Variants in DIAPH3 observed in about 807,000 individuals in gnomAD.
DIAPH3 encodes protein diaphanous homolog 3.
DIAPH3 carries 117 observed loss-of-function variants against 144.3 expected under a neutral mutation model. The ratio of observed to expected loss-of-function variants is 0.81; its 90% CI spans 0.70 to 0.95. DIAPH3 has a LOEUF of 0.95. DIAPH3 is among the 40% of genes least tolerant of loss of function. The probability of loss-of-function intolerance (pLI) is 0.00; values close to 1 mark genes in which losing one functional copy is unlikely to be tolerated. For synonymous variants in DIAPH3, 519 were observed against 488.9 expected (o/e 1.06, Z -0.81); for missense variants, 1,421 against 1,412.7 (o/e 1.01, Z -0.09).
chr13:60,097,014 TTC>T (rs1046573375), intron 3 of DIAPH3, among the ~76,000 whole-genome samples: 2 of 152,154 alleles, frequency 1.3e-5, no homozygotes, highest in Non-Finnish European at 2.9e-5. Flanking sequence ...ATCCTATTGG[TTC>T]TGTTTCTCTG....
chr13:60,083,199 A>G (rs994476850), intron 4 of DIAPH3, among the ~76,000 whole-genome samples: 1 of 152,094 alleles, frequency 6.6e-6, no homozygotes, highest in African/African-American at 2.4e-5. Context: ...TTCACTAAAA[A>G]TAATTGTAAC....
intron 3 of DIAPH3, among the ~76,000 whole-genome samples, chr13:60,095,458 GT>G (rs1221369535): frequency 1.3e-5 from 2 of 151,914 alleles, no homozygotes; most frequent in Admixed American, 6.6e-5. Flanking sequence ...TAAGGGGTGG[GT>G]TATTTAGAAT....
chr13:59,684,953 T>C (rs137990960), intron 27 of DIAPH3, among the ~76,000 whole-genome samples: 4 of 152,238 alleles, frequency 2.6e-5, no homozygotes, highest in Admixed American at 6.5e-5. Context: ...AAATTCAGAA[T>C]AATATGTCCT....
At chr13:59,772,070 TA>T (rs2038152938) in intron 27 of DIAPH3, among the ~76,000 whole-genome samples, 1 of 151,998 alleles carries the variant, frequency 6.6e-6, no homozygotes, top group Non-Finnish European at 1.5e-5. Flanking sequence ...AATTAAAAAA[TA>T]AGTTCAATCT....
At chr13:59,997,988 A>G (rs901666401) in intron 9 of DIAPH3, among the ~76,000 whole-genome samples, 2 of 152,140 alleles carry the variant, frequency 1.3e-5, no homozygotes, top group Non-Finnish European at 2.9e-5. Context: ...TTAGACTGCT[A>G]TTCATCTTTC....
At chr13:59,979,854 C>G (rs553219866) in intron 14 of DIAPH3, among the ~76,000 whole-genome samples, 20 of 151,678 alleles carry the variant, frequency 1.3e-4, no homozygotes, top group African/African-American at 4.6e-4. Flanking sequence ...TAAGAATTAT[C>G]GTCACTCCTT....
intron 27 of DIAPH3, among the ~76,000 whole-genome samples, chr13:59,714,448 TTGTA>T (rs948739089): frequency 2.5e-4 from 38 of 151,946 alleles, no homozygotes; most frequent in African/African-American, 8.9e-4. Context: ...GGTGGAAGGA[TTGTA>T]TGAGCTCAGG....
intron 14 of DIAPH3, among the ~76,000 whole-genome samples, chr13:59,979,907 T>C (rs2050892390): frequency 2.0e-5 from 3 of 151,642 alleles, no homozygotes; most frequent in African/African-American, 7.2e-5. Flanking sequence ...AGATTGACTA[T>C]TTAAAATGCA....
At chr13:60,124,066 G>C (rs2058919208) in intron 2 of DIAPH3, among the ~76,000 whole-genome samples, 1 of 152,168 alleles carries the variant, frequency 6.6e-6, no homozygotes. Context: ...ACAAAGCTCA[G>C]TCCTATTAGG....
At chr13:59,718,604 ATTG>A (rs1217194904) in intron 27 of DIAPH3, among the ~76,000 whole-genome samples, 16 of 152,328 alleles carry the variant, frequency 1.1e-4, no homozygotes, top group African/African-American at 3.8e-4. Context: ...CCAAAGTCAA[ATTG>A]TTATGTCTTC....
At position 59,973,340 on chromosome 13, in the gene DIAPH3, C is replaced by T. The variant is rs138231819; in HGVS notation, c.1650+1012G>A. The stretch of plus-strand genomic sequence containing the variant: ...CAAGAAAAACTTGTTATAAATATTT[C>T]AGCCACTGTCTGTAACTCAGTCTGA... On this transcript the variant is annotated intron_variant, in intron 15 of 27. Transcript: ENST00000400324. 3.5e-3 allele frequency among the ~76,000 whole-genome samples: 538 copies of T among 152,028 alleles called. 4 individuals carry two copies. Among genetic ancestry groups the T allele is most frequent in the African/African-American group, 0.013 (522 of 41,480 alleles).
chr13:59,701,700 A>G lies in DIAPH3; in HGVS notation c.3320-34854T>C, dbSNP rs139004383. ...TTTCTTAACTATGATTAGATTCTCA[A>G]ATGAATGGGGAAATCTTTCAAAAAG... On this transcript the variant is annotated intron_variant, in intron 27 of 27. Coordinates refer to ENST00000400324, the MANE Select transcript of DIAPH3 (RefSeq NM_001042517.2). Among the ~76,000 whole-genome samples, 10 of 152,328 alleles carry G rather than the reference A, an allele frequency of 6.6e-5. 1 individual carries two copies. The East Asian group carries it at 1.7e-3, about 26-fold the overall frequency.
chr13:60,043,758 C>T (rs2055861418), intron 4 of DIAPH3, among the ~76,000 whole-genome samples: 1 of 152,114 alleles, frequency 6.6e-6, no homozygotes, highest in African/African-American at 2.4e-5. Context: ...ATTGAACTTC[C>T]TACCTACATG....
rs1566265975 is a variant in DIAPH3 at position 59,756,444 on chromosome 13, A to AAG, written c.3319+17744_3319+17745insCT. 4.3e-3 allele frequency among the ~76,000 whole-genome samples: 525 copies of AAG among 122,780 alleles called. 3 individuals carry two copies. The highest frequency in any genetic ancestry group is 0.017 in the Middle Eastern group (4 of 234). The allele number at this position is 122,780 out of a possible 152,430, so 80.5% of individuals were successfully genotyped here. The stretch of plus-strand genomic sequence containing the variant: ...AGGAAGGAAGGAAGGAAGGAAGGAA[A>AAG]GAAGGAAGGAAGGAAGGAAGGAAAG... On this transcript the variant is annotated intron_variant, in intron 27 of 27. Transcript: ENST00000400324.
rs528204523 is a variant in DIAPH3 at position 60,022,727 on chromosome 13, T to C, written c.627-6582A>G. Among the ~76,000 whole-genome samples, 11 of 152,318 alleles carry C rather than the reference T, an allele frequency of 7.2e-5. No homozygotes were observed. In the South Asian group the frequency reaches 1.5e-3, roughly 20 times the overall value. On this transcript the variant is annotated intron_variant, in intron 5 of 27. Transcript: ENST00000400324. ...TCTTAATTAATTACACTGCAATGAC[T>C]CTGTTTCCAAAAAGGGCCACATTCT... is the stretch of plus-strand genomic sequence containing the variant.
chr13:60,009,788 A>AT (rs1454207018), intron 8 of DIAPH3, among the ~76,000 whole-genome samples: 9 of 152,208 alleles, frequency 5.9e-5, no homozygotes, highest in Admixed American at 5.9e-4. Context: ...TCAAACGAAC[A>AT]CAGGAGGCTC....
Position 59,709,788 on chromosome 13 carries a change from A to G in DIAPH3, c.3320-42942T>C, listed in dbSNP as rs1305214430. ...ATAAATCATGCTGCTATAAAGACACATGCACGTGTATGTTTACTGTGGCAT... is the reference window on the plus strand; with the variant it reads ...ATAAATCATGCTGCTATAAAGACACGTGCACGTGTATGTTTACTGTGGCAT... On this transcript the variant is annotated intron_variant, in intron 27 of 27. Coordinates refer to ENST00000400324, the MANE Select transcript of DIAPH3 (RefSeq NM_001042517.2). Among the ~76,000 whole-genome samples, 4 of 152,324 alleles carry G rather than the reference A, an allele frequency of 2.6e-5. No homozygotes were observed. In the East Asian group the frequency reaches 5.8e-4, roughly 22 times the overall value.
chr13:60,044,459 T>C (rs2055917942), intron 4 of DIAPH3: 9 of 152,198 alleles, frequency 5.9e-5, no homozygotes, highest in Admixed American at 5.9e-4. Context: ...GTGAAAGCTA[T>C]GAAAATGAAC....
chr13:59,760,179 T>C (rs2037505426), intron 27 of DIAPH3, among the ~76,000 whole-genome samples: 1 of 152,212 alleles, frequency 6.6e-6, no homozygotes, highest in Admixed American at 6.5e-5. Context: ...ATCATCACTC[T>C]CATTTGAGAA....
Sources: gnomAD v4.1 joint callset for allele counts (sites outside exome capture counted in the v4.1 genomes callset) on GRCh38, gnomAD v4.1.1 for gene constraint, MANE v1.5 for transcripts, NCBI Gene and HGNC (gene_info 2026-07-23, HGNC 2026-07-21) for gene names.